Variants in SNTG1 observed in about 807,000 individuals in gnomAD.
SNTG1 encodes the protein syntrophin gamma 1, also known as gamma-1-syntrophin.
SNTG1 carries 39 observed loss-of-function variants against 74.7 expected under a neutral mutation model. That is an observed-to-expected ratio of 0.52 (90% confidence interval 0.40 to 0.68). SNTG1 has a LOEUF of 0.68. SNTG1 is among the 30% of genes least tolerant of loss of function. The pLI is 0.00. For missense variants in SNTG1, 685 were observed against 609.5 expected (o/e 1.12, Z -1.30); for synonymous variants, 254 against 217.1 (o/e 1.17, Z -1.49).
intron 2 of SNTG1, among the ~76,000 whole-genome samples, chr8:50,325,965 T>A (rs980925506): frequency 6.6e-6 from 1 of 152,084 alleles, no homozygotes; most frequent in Non-Finnish European, 1.5e-5. Flanking sequence ...ATCATACTTT[T>A]TTTTGTGTAC....
chr8:50,763,516 C>T (rs2095604830), intron 18 of SNTG1, among the ~76,000 whole-genome samples: 1 of 151,428 alleles, frequency 6.6e-6, no homozygotes, highest in South Asian at 2.1e-4. Flanking sequence ...TCTGGCCTCT[C>T]TTTTATTTTA....
intron 1 of SNTG1, among the ~76,000 whole-genome samples, chr8:50,068,521 C>G (rs896129157): frequency 6.6e-6 from 1 of 152,130 alleles, no homozygotes; most frequent in Non-Finnish European, 1.5e-5. Flanking sequence ...AAGCTGGGGC[C>G]ACACCCCCAC....
intron 8 of SNTG1, among the ~76,000 whole-genome samples, chr8:50,459,702 G>C (rs2093542513): frequency 6.6e-6 from 1 of 152,032 alleles, no homozygotes; most frequent in Admixed American, 6.6e-5. Flanking sequence ...AGTGTCTATT[G>C]CTGCCATCTT....
At chr8:50,056,824 G>A (rs1450389763) in intron 1 of SNTG1, among the ~76,000 whole-genome samples, 2 of 152,190 alleles carry the variant, frequency 1.3e-5, no homozygotes, top group Non-Finnish European at 2.9e-5. Flanking sequence ...GGGATTGCTG[G>A]AACAGCAGGA....
chr8:50,518,273 A>G (rs749640583), intron 9 of SNTG1, among the ~76,000 whole-genome samples: 32 of 152,220 alleles, frequency 2.1e-4, no homozygotes, highest in Non-Finnish European at 8.8e-5. Flanking sequence ...ACAAAGACAC[A>G]ATGTACCAGA....
Position 50,253,071 on chromosome 8 carries a change from C to T in SNTG1, c.-28+80436C>T, listed in dbSNP as rs116411739. On this transcript the variant is annotated intron_variant, in intron 2 of 18. Transcript: ENST00000642720. ...TAGAGACAGGGGAACATTTACACAC[C>T]GTTGGTGGGACTGTAAATCCGTACA... Among the ~76,000 whole-genome samples, 432 of 152,032 alleles carry T rather than the reference C, an allele frequency of 2.8e-3. 4 individuals carry two copies. Among genetic ancestry groups the T allele is most frequent in the African/African-American group, 9.7e-3 (401 of 41,482 alleles).
chr8:50,670,062 A>G (rs2095272118), intron 15 of SNTG1, among the ~76,000 whole-genome samples: 1 of 152,110 alleles, frequency 6.6e-6, no homozygotes, highest in Non-Finnish European at 1.5e-5. Context: ...AGAGCTGTCT[A>G]TGACAAACCC....
At chr8:49,945,789 T>G (rs1208259659) in intron 1 of SNTG1, among the ~76,000 whole-genome samples, 3 of 152,176 alleles carry the variant, frequency 2.0e-5, no homozygotes, top group Non-Finnish European at 4.4e-5. Context: ...TCAAAGCACA[T>G]GGCCAATCAC....
At chr8:50,602,899 A>ATTT (rs60612544) in intron 13 of SNTG1, among the ~76,000 whole-genome samples, 3,547 of 112,634 alleles carry the variant, frequency 0.031, 84 homozygotes, top group African/African-American at 0.05. Flanking sequence ...ACTGTAAGGT[A>ATTT]TTTTTTTTTT....
intron 1 of SNTG1, among the ~76,000 whole-genome samples, chr8:50,068,125 G>A (rs545783755): frequency 3.3e-5 from 5 of 152,216 alleles, no homozygotes; most frequent in East Asian, 3.9e-4. Flanking sequence ...GGAACAGAAC[G>A]CAATCAGTTT....
intron 8 of SNTG1, among the ~76,000 whole-genome samples, chr8:50,484,586 G>A (rs1050666357): frequency 1.3e-4 from 20 of 151,784 alleles, no homozygotes; most frequent in South Asian, 2.1e-4. Context: ...AGGGCCTGGC[G>A]CAGTGGCTCA....
Position 50,704,638 on chromosome 8 carries a change from C to T in SNTG1, c.1077C>T (p.Thr359=), listed in dbSNP as rs779805790. ...DLLDRRKQCF[T]VQSESGEDLY... is the part of the protein sequence containing the mutation. ...TGGACCGACGGAAACAGTGCTTCAC[C>T]GTGCAGTCTGAGTCTGGGGAGGACC... The change falls in exon 16 of 19, where the codon ACC becomes ACT. Residue 359 remains threonine, a synonymous_variant. Transcript: ENST00000642720. The T allele has an allele frequency of 6.2e-6, 10 of 1,613,938 alleles. No homozygotes were observed. The highest frequency in any genetic ancestry group is 1.1e-5 in the South Asian group (1 of 91,062).
chr8:50,522,130 T>A (rs1457062851), intron 9 of SNTG1, among the ~76,000 whole-genome samples: 1 of 152,162 alleles, frequency 6.6e-6, no homozygotes, highest in East Asian at 1.9e-4. Flanking sequence ...ATTTCTTAAA[T>A]AATATGACAT....
At chr8:50,731,314 A>T (rs944898367) in intron 17 of SNTG1, among the ~76,000 whole-genome samples, 6 of 152,138 alleles carry the variant, frequency 3.9e-5, no homozygotes, top group African/African-American at 1.4e-4. Context: ...CATTCGATGT[A>T]GGCAACTACT....
At chr8:49,925,204 T>C (rs170331) in intron 1 of SNTG1, among the ~76,000 whole-genome samples, 125,605 of 152,120 alleles carry the variant, frequency 0.83, 54,062 homozygotes, top group Non-Finnish European at 0.94. Flanking sequence ...CTATGCACAG[T>C]TATGTTATAT....
intron 17 of SNTG1, among the ~76,000 whole-genome samples, chr8:50,710,886 G>A (rs1000470391): frequency 6.6e-6 from 1 of 152,190 alleles, no homozygotes; most frequent in African/African-American, 2.4e-5. Flanking sequence ...TTCAGGAATA[G>A]TAGTCACTGT....
chr8:50,760,896 A>C (rs2095596839), intron 18 of SNTG1, among the ~76,000 whole-genome samples: 1 of 151,954 alleles, frequency 6.6e-6, no homozygotes. Flanking sequence ...CTACCAACCA[A>C]AAAAAGTCCA....
intron 2 of SNTG1, among the ~76,000 whole-genome samples, chr8:50,391,786 G>A (rs1288381722): frequency 6.6e-6 from 1 of 151,960 alleles, no homozygotes; most frequent in Non-Finnish European, 1.5e-5. Flanking sequence ...ACTTCTTTCT[G>A]GTTTAGTCTT....
chr8:49,965,906 A>G (rs939254088), intron 1 of SNTG1, among the ~76,000 whole-genome samples: 4 of 151,984 alleles, frequency 2.6e-5, no homozygotes, highest in African/African-American at 9.7e-5. Flanking sequence ...TTCAGTCTAT[A>G]TGGAAATTAA....
Sources: gnomAD v4.1 joint callset for allele counts (sites outside exome capture counted in the v4.1 genomes callset) on GRCh38, gnomAD v4.1.1 for gene constraint, MANE v1.5 for transcripts, NCBI Gene and HGNC (gene_info 2026-07-23, HGNC 2026-07-21) for gene names.